Variants in CDC42BPB observed in about 807,000 individuals in gnomAD.
CDC42BPB encodes the protein CDC42 binding protein kinase beta.
Under a neutral mutation model 214.9 loss-of-function variants are expected in CDC42BPB, and 37 were observed. The ratio of observed to expected loss-of-function variants is 0.17; its 90% CI spans 0.13 to 0.23. The LOEUF (loss-of-function observed/expected upper bound fraction) is 0.23, where lower values mean the gene tolerates loss of function less well. Ranked by LOEUF, CDC42BPB falls within the 10% of genes least tolerant of loss-of-function variation. The pLI is 1.00. For missense variants in CDC42BPB, 1,694 were observed against 2,227.0 expected, an observed-to-expected ratio of 0.76 and a Z score of 4.82; for synonymous variants, 931 against 884.0, an observed-to-expected ratio of 1.05 and a Z score of -0.94.
chr14:103,003,481 C>T (rs1895085222), intron 4 of CDC42BPB, among the ~76,000 whole-genome samples: 1 of 152,192 alleles, frequency 6.6e-6, no homozygotes, highest in African/African-American at 2.4e-5. Context: ...TCACCTAAAA[C>T]CTGTCGAAAG....
At chr14:102,962,910 ATGT>A (rs1893026887) in intron 20 of CDC42BPB, 148 bp downstream of exon 20, 1 of 543,446 alleles carries the variant, frequency 1.8e-6, no homozygotes, top group Admixed American at 3.4e-5. Context: ...ATATTTGAAG[ATGT>A]TGTTTGAAAA....
chr14:102,954,924 G>T, intron 21 of CDC42BPB: 1 of 427,518 alleles, frequency 2.3e-6, no homozygotes. Context: ...AGTGGTGATT[G>T]CGTGGGCAGG....
At position 102,932,502 on chromosome 14, in the gene CDC42BPB, A is replaced by C. The variant is rs560514488; in HGVS notation, c.*1210T>G. 480 of 152,574 alleles carry C rather than the reference A, an allele frequency of 3.1e-3. 5 individuals carry two copies. Among genetic ancestry groups the C allele is most frequent in the Non-Finnish European group, 3.5e-3 (240 of 68,036 alleles). The allele number at this position is 152,574 out of a possible 1,614,324, so 9.5% of individuals were successfully genotyped here. A position where few individuals can be genotyped will look rare whatever the true frequency, so the allele number is the denominator to read the frequency against. On this transcript the variant is annotated 3_prime_UTR_variant, in exon 37 of 37. Transcript: ENST00000361246. ...AAAAAAGTAAAAACCAGAACCCCCC[A>C]GGTGCCCATCCAGCAGAAGGCCCAG... is the stretch of plus-strand genomic sequence containing the variant.
At chr14:103,041,584 G>A (rs1887997399) in intron 1 of CDC42BPB, 2 of 1,052,444 alleles carry the variant, frequency 1.9e-6, no homozygotes, top group Non-Finnish European at 2.9e-6. Flanking sequence ...GGCCGGGCAA[G>A]CTAAAGTGCC....
At chr14:102,938,198 T>C (rs766800088) in intron 35 of CDC42BPB, 24 bp from the exon 36 acceptor site, 1 of 1,611,356 alleles carries the variant, frequency 6.2e-7, no homozygotes, top group Non-Finnish European at 8.5e-7. Context: ...ACAGCTTTCC[T>C]CTTAGGGAGA....
intron 12 of CDC42BPB, 35 bp from the exon 13 acceptor site, chr14:102,972,196 C>T (rs758455683): frequency 3.5e-5 from 56 of 1,603,338 alleles, no homozygotes; most frequent in Middle Eastern, 3.3e-4. Flanking sequence ...TTTACGTTTG[C>T]CTAACAAAGG....
At chr14:102,950,000 C>T in intron 25 of CDC42BPB, 96 bp from the exon 26 acceptor site, 1 of 1,561,674 alleles carries the variant, frequency 6.4e-7, no homozygotes, top group Non-Finnish European at 8.6e-7. Flanking sequence ...AGCTGCCAGG[C>T]TGGCGGCAGA....
At chr14:102,934,113 G>A in intron 36 of CDC42BPB, 1 of 966,854 alleles carries the variant, frequency 1.0e-6, no homozygotes. Flanking sequence ...GAAATCAGAT[G>A]GGGCCGGACG....
intron 18 of CDC42BPB, among the ~76,000 whole-genome samples, chr14:102,965,434 GAC>G (rs1301531287): frequency 6.8e-6 from 1 of 146,042 alleles, no homozygotes; most frequent in African/African-American, 2.5e-5. Context: ...AGGGAAGAAT[GAC>G]AGAGTGACCT....
chr14:102,981,138 G>T lies in CDC42BPB; in HGVS notation c.892-117C>A, dbSNP rs577586553. Reference sequence around the variant, plus strand: ...TAGCTTCAAAGCAGGTCACTTCATGGGAACTAAATGCAATCCAAAGCTAAT... The same window carrying T: ...TAGCTTCAAAGCAGGTCACTTCATGTGAACTAAATGCAATCCAAAGCTAAT... On this transcript the variant is annotated intron_variant, in intron 7 of 36. Coordinates refer to ENST00000361246, the MANE Select transcript of CDC42BPB (RefSeq NM_006035.4). 134 of 1,502,172 alleles carry T rather than the reference G, an allele frequency of 8.9e-5. No individual in the cohort carries two copies. The African/African-American group carries it at 1.7e-3, about 19-fold the overall frequency. The allele number at this position is 1,502,172 out of a possible 1,614,324, so 93.1% of individuals were successfully genotyped here. A position where few individuals can be genotyped will look rare whatever the true frequency, so the allele number is the denominator to read the frequency against.
intron 19 of CDC42BPB, 66 bp from the exon 20 acceptor site, chr14:102,963,221 A>C (rs1049876415): frequency 2.6e-6 from 4 of 1,547,796 alleles, no homozygotes; most frequent in Non-Finnish European, 2.6e-6. Context: ...GGTATGGGGC[A>C]GGTCAGGATG....
chr14:102,971,785 C>A, intron 13 of CDC42BPB, 134 bp downstream of exon 13: 1 of 822,472 alleles, frequency 1.2e-6, no homozygotes, highest in Non-Finnish European at 1.9e-6. Flanking sequence ...AAATGCTCGG[C>A]CGATCAACTT....
chr14:103,044,366 CTTTT>C (rs869225876), intron 1 of CDC42BPB, among the ~76,000 whole-genome samples: 16 of 129,042 alleles, frequency 1.2e-4, no homozygotes, highest in African/African-American at 1.8e-4. Flanking sequence ...CAGCCGGCAC[CTTTT>C]TTTTTTTTTT....
intron 1 of CDC42BPB, among the ~76,000 whole-genome samples, chr14:103,015,416 G>A (rs2139652897): frequency 6.6e-6 from 1 of 152,040 alleles, no homozygotes; most frequent in East Asian, 1.9e-4. Context: ...GAACCCTGGA[G>A]GCAGAGGCTG....
At position 103,018,861 on chromosome 14, in the gene CDC42BPB, G is replaced by A. The variant is rs146014254; in HGVS notation, c.176-6673C>T. Among the ~76,000 whole-genome samples the A allele has an allele frequency of 2.0e-5, 3 of 152,312 alleles. No homozygotes were observed. The East Asian group carries it at 5.8e-4, about 29-fold the overall frequency. ...TTCCATGGGGATGGGGAGAGGTGAGGCGTGAGAAGTGGGAGAACCAGCCTG... is the reference window on the plus strand; with the variant it reads ...TTCCATGGGGATGGGGAGAGGTGAGACGTGAGAAGTGGGAGAACCAGCCTG... On this transcript the variant is annotated intron_variant, in intron 1 of 36. Coordinates refer to ENST00000361246, the MANE Select transcript of CDC42BPB (RefSeq NM_006035.4).
Position 102,933,712 on chromosome 14 carries a change from T to G in CDC42BPB, c.5136A>C (p.Ter1712CysextTer37). The G allele has an allele frequency of 6.8e-7, 1 of 1,468,096 alleles. No homozygotes were observed. The allele number at this position is 1,468,096 out of a possible 1,614,324, so 90.9% of individuals were successfully genotyped here. A position where few individuals can be genotyped will look rare whatever the true frequency, so the allele number is the denominator to read the frequency against. ...TGGCCCCTGTGGCGAGCTGGCGGCT[T>G]CAGGTGTCACAGGCCGGCTGCTCCA... ...EGLEQPACDT* is the reference protein window; with the variant it reads ...EGLEQPACDTC The change falls in exon 37 of 37, where the codon TGA (stop) becomes TGC (cysteine). Residue 1712 changes from the stop codon to cysteine, a stop_lost. Transcript: ENST00000361246.
intron 1 of CDC42BPB, among the ~76,000 whole-genome samples, chr14:103,019,761 T>C (rs1225498303): frequency 2.6e-5 from 4 of 152,242 alleles, no homozygotes; most frequent in African/African-American, 9.6e-5. Context: ...AATCTCTTCA[T>C]TCCTCCTACC....
At position 103,001,876 on chromosome 14, in the gene CDC42BPB, T is replaced by C. The variant is rs531854023; in HGVS notation, c.447+2052A>G. The stretch of plus-strand genomic sequence containing the variant: ...AGGAGCTTCCTACAGCAGCACTGGG[T>C]CTGATCAACGGTCTCCTGGAGCATG... On this transcript the variant is annotated intron_variant, in intron 4 of 36. Coordinates refer to ENST00000361246, the MANE Select transcript of CDC42BPB (RefSeq NM_006035.4). This position sits in a 1 kb window ranked among gnomAD's most constrained non-coding sequence, Gnocchi z 5.8. Among the ~76,000 whole-genome samples the C allele has an allele frequency of 6.6e-6, 1 of 152,130 alleles. No homozygotes were observed. Among genetic ancestry groups the C allele is most frequent in the East Asian group, 1.9e-4 (1 of 5,162 alleles).
intron 1 of CDC42BPB, among the ~76,000 whole-genome samples, chr14:103,029,092 C>T (rs1342396051): frequency 6.6e-6 from 1 of 152,142 alleles, no homozygotes; most frequent in African/African-American, 2.4e-5. Flanking sequence ...TAAAAGTAAA[C>T]ATTTTTATGG....
Sources: allele counts gnomAD v4.1 joint callset (sites outside exome capture counted in the v4.1 genomes callset), GRCh38; gene constraint gnomAD v4.1.1; non-coding constraint Gnocchi (gnomAD v3.1); transcripts MANE v1.5; gene names NCBI Gene and HGNC (gene_info 2026-07-23, HGNC 2026-07-21).